ALDH3A2: variants seen among roughly 807,000 people sequenced by gnomAD.
ALDH3A2 encodes the protein aldehyde dehydrogenase family 3 member A2.
A neutral mutation model predicts 51.3 loss-of-function variants in ALDH3A2; 36 were observed. The observed-to-expected ratio is 0.70, with a 90% confidence interval of 0.54 to 0.93. The LOEUF (loss-of-function observed/expected upper bound fraction) is 0.93, where lower values mean the gene tolerates loss of function less well. Ranked by LOEUF, ALDH3A2 falls within the 40% of genes least tolerant of loss-of-function variation. The pLI is 0.00. For synonymous variants in ALDH3A2, 199 were observed against 219.8 expected (o/e 0.91, Z 0.84); for missense variants, 552 against 603.1 (o/e 0.92, Z 0.89).
chr17:19,663,363 A>G lies in ALDH3A2; in HGVS notation c.971A>G (p.Lys324Arg). 6.2e-7 allele frequency: 1 copy of G among 1,614,188 alleles called. No homozygotes were observed. ...ACAGTACTTACCGATGTTGATCCTA[A>G]AACCAAGGTGATGCAAGAAGAAATT... The part of the protein sequence containing the change: ...APTVLTDVDP[K>R]TKVMQEEIFG... The change falls in exon 7 of 10, where the codon AAA becomes AGA. Residue 324 changes from lysine to arginine, a missense_variant. Coordinates refer to ENST00000176643, the MANE Select transcript of ALDH3A2 (RefSeq NM_000382.3).
chr17:19,668,098 TTA>T (rs2085063980), intron 8 of ALDH3A2, among the ~76,000 whole-genome samples: 2 of 152,220 alleles, frequency 1.3e-5, no homozygotes, highest in Admixed American at 1.3e-4. Context: ...AATTTTCTAT[TTA>T]TGTCCTTTGA....
rs1302186382 is a variant in ALDH3A2, at chr17:19,652,611, T to G, written c.450T>G (p.Leu150=). 11 of 1,613,700 alleles carry G rather than the reference T, an allele frequency of 6.8e-6. No individual in the cohort carries two copies. The highest frequency in any genetic ancestry group is 1.6e-4 in the Middle Eastern group (1 of 6,062). ...ATACAGCCAAGATCTTGGCAAAGCT[T>G]CTCCCTCAGTATTTAGACCAGGTAA... The part of the protein sequence containing the change: ...SENTAKILAK[L]LPQYLDQDLY... The change falls in exon 3 of 10, where the codon CTT becomes CTG. Residue 150 remains leucine (L), a synonymous_variant. Coordinates refer to ENST00000176643, the MANE Select transcript of ALDH3A2 (RefSeq NM_000382.3).
chr17:19,648,721 C>A, upstream of ALDH3A2: 1 of 569,122 alleles, frequency 1.8e-6, no homozygotes, highest in Non-Finnish European at 3.1e-6. Flanking sequence ...GCCGCCCAGG[C>A]CAATAGGGGT....
intron 8 of ALDH3A2, among the ~76,000 whole-genome samples, chr17:19,669,569 T>C (rs1333467425): frequency 1.3e-5 from 2 of 152,182 alleles, no homozygotes; most frequent in African/African-American, 4.8e-5. Flanking sequence ...CAGTTAGCTT[T>C]ATAAGTGACA....
At chr17:19,673,910 T>C (rs186738364) in intron 9 of ALDH3A2, among the ~76,000 whole-genome samples, 2 of 152,276 alleles carry the variant, frequency 1.3e-5, no homozygotes, top group Admixed American at 6.5e-5. Context: ...ACATCATTTC[T>C]TGGAAAAGGG....
rs1434488920 is a variant in ALDH3A2 at position 19,656,378 on chromosome 17, G to A, written c.484G>A (p.Val162Ile). ...CTCTTTCTTTGAGGATCTCTATATT[G>A]TTATTAATGGTGGTGTTGAGGAAAC... ...PQYLDQDLYI[V>I]INGGVEETTE... Residue 162 changes from valine (V) to isoleucine (I), a missense_variant, in exon 4 of 10, where the codon GTT (valine) becomes ATT (isoleucine). Val to Ile is a conservative substitution (Grantham distance 29). Coordinates refer to ENST00000176643, the MANE Select transcript of ALDH3A2 (RefSeq NM_000382.3). The A allele has an allele frequency of 1.9e-6, 3 of 1,613,698 alleles. No individual in the cohort carries two copies. Among genetic ancestry groups the A allele is most frequent in the Admixed American group, 1.7e-5 (1 of 60,000 alleles).
Position 19,648,986 on chromosome 17 carries a change from C to T in ALDH3A2, c.15C>T (p.Val5=). 1.9e-6 allele frequency: 3 copies of T among 1,586,066 alleles called. No homozygotes were observed. The highest frequency in any genetic ancestry group is 2.6e-6 in the Non-Finnish European group (3 of 1,167,102). MELE[V]RRVRQAFLSG... is the part of the protein sequence containing the mutation. Reference sequence around the variant, plus strand: ...AGGACCAGGCCATGGAGCTCGAAGTCCGGCGGGTCCGACAGGCGTTCCTGT... The same window carrying T: ...AGGACCAGGCCATGGAGCTCGAAGTTCGGCGGGTCCGACAGGCGTTCCTGT... The change falls in exon 1 of 10, where the codon GTC becomes GTT. Residue 5 remains valine (V), a synonymous_variant. Transcript: ENST00000176643.
At chr17:19,660,029 T>C (rs775733712) in intron 5 of ALDH3A2, among the ~76,000 whole-genome samples, 17 of 151,930 alleles carry the variant, frequency 1.1e-4, no homozygotes, top group Non-Finnish European at 2.5e-4. Flanking sequence ...TTGCCCAGAT[T>C]CAGGGTATGT....
chr17:19,648,907 T>C lies in ALDH3A2; in HGVS notation c.-65T>C, dbSNP rs962782260. ...AGGGAAGGGAGGCGAGGCCTGCACC[T>C]GCATGCTTCCCGCCTCCCACTCCCC... is the stretch of plus-strand genomic sequence containing the variant. On this transcript the variant is annotated 5_prime_UTR_variant, in exon 1 of 10. Coordinates refer to ENST00000176643, the MANE Select transcript of ALDH3A2 (RefSeq NM_000382.3). 1.1e-5 allele frequency: 17 copies of C among 1,530,998 alleles called. No homozygotes were observed. Among genetic ancestry groups the C allele is most frequent in the South Asian group, 4.8e-5 (4 of 83,874 alleles). 94.8% of individuals were successfully genotyped at this position (1,530,998 alleles called of 1,614,324 possible).
chr17:19,650,639 G>A (rs543516530), intron 1 of ALDH3A2, among the ~76,000 whole-genome samples: 1 of 151,762 alleles, frequency 6.6e-6, no homozygotes, highest in East Asian at 1.9e-4. Flanking sequence ...ATTTTTAGTA[G>A]AGACGGGGTT....
chr17:19,648,749 T>G, upstream of ALDH3A2: 2 of 622,132 alleles, frequency 3.2e-6, no homozygotes, highest in African/African-American at 1.8e-5. Flanking sequence ...TGGGTCGAGC[T>G]CAGTCCTCCC....
chr17:19,668,753 G>T (rs2085072851), intron 8 of ALDH3A2, among the ~76,000 whole-genome samples: 2 of 130,898 alleles, frequency 1.5e-5, no homozygotes, highest in South Asian at 3.0e-4. Flanking sequence ...TTAGCTGGGT[G>T]TGGCGGCACC....
Position 19,656,458 on chromosome 17 carries a change from G to A in ALDH3A2, c.564G>A (p.Ala188=), listed in dbSNP as rs61757681. 184 of 1,614,130 alleles carry A rather than the reference G, an allele frequency of 1.1e-4. No homozygotes were observed. The African/African-American group carries it at 1.6e-3, about 14-fold the overall frequency. ...ACATTTTCTATACGGGAAACACTGC[G>A]GTTGGCAAAATTGTCATGGAAGCTG... ...FDHIFYTGNT[A]VGKIVMEAAA... is the part of the protein sequence containing the mutation. Residue 188 remains alanine (A), a synonymous_variant, in exon 4 of 10, where the codon GCG becomes GCA. Coordinates refer to ENST00000176643, the MANE Select transcript of ALDH3A2 (RefSeq NM_000382.3).
At chr17:19,671,230 A>G (rs2152333037) in intron 8 of ALDH3A2, among the ~76,000 whole-genome samples, 1 of 152,306 alleles carries the variant, frequency 6.6e-6, no homozygotes, top group East Asian at 1.9e-4. Flanking sequence ...GTGTGGGGCC[A>G]TGGATGAATG....
intron 3 of ALDH3A2, 82 bp from the exon 4 acceptor site, chr17:19,656,284 A>G (rs901127686): frequency 6.5e-6 from 8 of 1,230,658 alleles, no homozygotes; most frequent in Admixed American, 1.9e-5. Context: ...TGAATGTTAC[A>G]TGTTTATGTT....
chr17:19,665,070 TGTA>T (rs1240226223), intron 8 of ALDH3A2, 23 bp downstream of exon 8: 1 of 1,581,234 alleles, frequency 6.3e-7, no homozygotes, highest in Non-Finnish European at 8.7e-7. Context: ...TTCTCCTGCT[TGTA>T]GTAGATATTT....
rs956463368 is a variant in ALDH3A2, at chr17:19,662,865, C to T, written c.941-468C>T. Among the ~76,000 whole-genome samples, 155 of 152,096 alleles carry T rather than the reference C, an allele frequency of 1.0e-3. 2 individuals are homozygous for T. Among genetic ancestry groups the T allele is most frequent in the Non-Finnish European group, 1.6e-4 (11 of 67,984 alleles). On this transcript the variant is annotated intron_variant, in intron 6 of 9. Transcript: ENST00000176643. ...TACTAAAAATACAAAACTAGCCGGG[C>T]GTGGTGGTGCATGCCTGTAATCCCA...
At chr17:19,668,637 TCTGTAGGCTG>T (rs1334729115) in intron 8 of ALDH3A2, among the ~76,000 whole-genome samples, 35,599 of 137,970 alleles carry the variant, frequency 0.26, 5,595 homozygotes, top group East Asian at 0.47. Context: ...ATAAATATCA[TCTGTAGGCTG>T]GGTGCGGTTG....
chr17:19,673,312 G>C, intron 9 of ALDH3A2: 2 of 1,609,628 alleles, frequency 1.2e-6, no homozygotes, highest in Non-Finnish European at 1.7e-6. Flanking sequence ...ATGTAAGGTG[G>C]GCCAAGTTGG....
Sources: gnomAD v4.1 joint callset for allele counts (sites outside exome capture counted in the v4.1 genomes callset) on GRCh38, gnomAD v4.1.1 for gene constraint, MANE v1.5 for transcripts, NCBI Gene and HGNC (gene_info 2026-07-23, HGNC 2026-07-21) for gene names.